ADAM17: variants seen among roughly 807,000 people sequenced by gnomAD.
ADAM17 encodes the protein ADAM metallopeptidase domain 17.
In ADAM17, 39 loss-of-function variants were observed where a neutral mutation model predicts 96.7. That is an observed-to-expected ratio of 0.40 (90% CI 0.31 to 0.53). ADAM17 has a LOEUF of 0.53. Among genes scored for constraint, ADAM17 ranks in the 20% least tolerant of loss-of-function variants. ADAM17 has a pLI of 0.44. For synonymous variants in ADAM17, 344 were observed against 359.2 expected, an observed-to-expected ratio of 0.96 and a Z score of 0.48; for missense variants, 777 against 1,013.2, an observed-to-expected ratio of 0.77 and a Z score of 3.17.
At chr2:9,553,574 C>G (rs985104530) in intron 1 of ADAM17, among the ~76,000 whole-genome samples, 2 of 150,592 alleles carry the variant, frequency 1.3e-5, no homozygotes, top group Non-Finnish European at 1.5e-5. Flanking sequence ...ACTTGGGAGG[C>G]TGAGGCAGGA....
rs1238447801 is a variant in ADAM17, at chr2:9,523,356, AG to A, written c.754-19del. On this transcript the variant is annotated intron_variant, in intron 6 of 18. Transcript: ENST00000310823. Reference sequence around the variant, plus strand: ...AGCTCTATCTGTGTGTATTTAAAAAAGAAAAAAGACATTATGTAACTCTTTA... The same window carrying A: ...AGCTCTATCTGTGTGTATTTAAAAAAAAAAAAGACATTATGTAACTCTTTA... 6.4e-7 allele frequency: 1 copy of A among 1,572,794 alleles called. No homozygotes were observed. Among genetic ancestry groups the A allele is most frequent in the Admixed American group, 1.7e-5 (1 of 59,360 alleles).
chr2:9,514,428 G>A (rs931741024), intron 10 of ADAM17, among the ~76,000 whole-genome samples: 2 of 147,842 alleles, frequency 1.4e-5, no homozygotes, highest in Non-Finnish European at 3.0e-5. Context: ...ACGAGTTAAT[G>A]GGTGCAGCAC....
chr2:9,528,675 T>TG (rs1304457183), intron 4 of ADAM17, among the ~76,000 whole-genome samples: 2 of 152,150 alleles, frequency 1.3e-5, no homozygotes, highest in Non-Finnish European at 2.9e-5. Context: ...AGGCAGTTTG[T>TG]GGGGGGACAC....
At chr2:9,553,532 G>T (rs1021151259) in intron 1 of ADAM17, among the ~76,000 whole-genome samples, 1 of 151,826 alleles carries the variant, frequency 6.6e-6, no homozygotes, top group Non-Finnish European at 1.5e-5. Context: ...AAAATTAGCC[G>T]GACGTGGTGG....
In ADAM17 at chr2:9,521,380, G is replaced by A. The variant is rs558861135; in HGVS notation, c.844-64C>T. 145 of 1,122,082 alleles carry A rather than the reference G, an allele frequency of 1.3e-4. 1 individual carries two copies. The East Asian group carries it at 3.6e-3, about 28-fold the overall frequency. 69.5% of individuals were successfully genotyped at this position (1,122,082 alleles called of 1,614,324 possible). A position where few individuals can be genotyped will look rare whatever the true frequency, so the allele number is the denominator to read the frequency against. On this transcript the variant is annotated intron_variant, in intron 7 of 18. Coordinates refer to ENST00000310823, the MANE Select transcript of ADAM17 (RefSeq NM_003183.6). Reference sequence around the variant, plus strand: ...AATAAGTCAGAAGGCTCTGAATACTGCATTATTTTATCTGTTCAAAAAAAG... The same window carrying A: ...AATAAGTCAGAAGGCTCTGAATACTACATTATTTTATCTGTTCAAAAAAAG...
In ADAM17 at chr2:9,488,651, C is replaced by G. The variant is rs996540742; in HGVS notation, c.*1526G>C. The G allele has an allele frequency of 4.9e-5, 9 of 185,162 alleles. No individual in the cohort carries two copies. The highest frequency in any genetic ancestry group is 8.9e-5 in the Non-Finnish European group (8 of 89,992). 11.5% of individuals were successfully genotyped at this position (185,162 alleles called of 1,614,324 possible). A position where few individuals can be genotyped will look rare whatever the true frequency, so the allele number is the denominator to read the frequency against. ...TCTTTTGAGAACTGTTTCACTCATA[C>G]ATACACCCACACACCCCACTCAACC... On this transcript the variant is annotated 3_prime_UTR_variant, in exon 19 of 19. Transcript: ENST00000310823.
intron 1 of ADAM17, among the ~76,000 whole-genome samples, chr2:9,554,787 C>G (rs544471649): frequency 6.6e-6 from 1 of 152,172 alleles, no homozygotes; most frequent in Non-Finnish European, 1.5e-5. Flanking sequence ...GAAATAGGAA[C>G]CCTCTACTTT....
At chr2:9,531,870 G>A (rs1413641707) in intron 4 of ADAM17, among the ~76,000 whole-genome samples, 3 of 152,214 alleles carry the variant, frequency 2.0e-5, no homozygotes, top group Non-Finnish European at 4.4e-5. Context: ...GGCCAAGCAA[G>A]AGGATTGCTT....
At chr2:9,525,765 C>T (rs535804096) in intron 6 of ADAM17, among the ~76,000 whole-genome samples, 3 of 152,236 alleles carry the variant, frequency 2.0e-5, no homozygotes, top group Admixed American at 6.5e-5. Flanking sequence ...CATGCAAATA[C>T]ATATTTTTAC....
At chr2:9,520,333 T>C (rs1439340683) in intron 8 of ADAM17, among the ~76,000 whole-genome samples, 2 of 152,208 alleles carry the variant, frequency 1.3e-5, no homozygotes, top group African/African-American at 4.8e-5. Flanking sequence ...TGGAATCACA[T>C]GGCAGCACCC....
At chr2:9,528,031 G>C in intron 4 of ADAM17, 77 bp from the exon 5 acceptor site, 9 of 1,021,588 alleles carry the variant, frequency 8.8e-6, no homozygotes, top group Non-Finnish European at 1.1e-5. Flanking sequence ...AACATTCTTT[G>C]CTTGTTCTTA....
intron 10 of ADAM17, among the ~76,000 whole-genome samples, chr2:9,516,066 G>A (rs941866560): frequency 6.6e-6 from 1 of 152,084 alleles, no homozygotes; most frequent in African/African-American, 2.4e-5. Context: ...CCTACAACCA[G>A]CTTCATTGTT....
At chr2:9,521,159 T>G (rs760678579) in intron 8 of ADAM17, 44 bp downstream of exon 8, 1 of 1,416,172 alleles carries the variant, frequency 7.1e-7, no homozygotes, top group Non-Finnish European at 1.0e-6. Context: ...ATATCAGAAA[T>G]GACAAAGTGG....
chr2:9,520,994 T>A (rs893919803), intron 8 of ADAM17, among the ~76,000 whole-genome samples: 1 of 145,308 alleles, frequency 6.9e-6, no homozygotes, highest in Non-Finnish European at 1.5e-5. Flanking sequence ...AAAGGAAGCA[T>A]TGCTTTATAG....
intron 14 of ADAM17, chr2:9,496,305 T>C (rs10204071): frequency 0.097 from 14,668 of 151,854 alleles, 835 homozygotes; most frequent in African/African-American, 0.16. Context: ...ATTTTTTTTA[T>C]TTTTAGTAGA....
intron 11 of ADAM17, among the ~76,000 whole-genome samples, chr2:9,505,772 G>A (rs1025811936): frequency 4.6e-5 from 7 of 152,158 alleles, no homozygotes; most frequent in Non-Finnish European, 1.0e-4. Context: ...ACCTCTGTAG[G>A]TTAATGTTGT....
chr2:9,546,587 T>C (rs1244804122), intron 1 of ADAM17, among the ~76,000 whole-genome samples: 3 of 152,202 alleles, frequency 2.0e-5, no homozygotes, highest in Non-Finnish European at 4.4e-5. Flanking sequence ...CAAGAGTTTA[T>C]CTCTTATCCA....
chr2:9,519,633 T>A (rs1664228776), intron 8 of ADAM17, among the ~76,000 whole-genome samples: 1 of 152,028 alleles, frequency 6.6e-6, no homozygotes, highest in Admixed American at 6.6e-5. Context: ...ACAGGGCCCT[T>A]AAGGAGGTAA....
Position 9,538,832 on chromosome 2 carries a change from ATCTT to A in ADAM17, c.231-2008_231-2005del, listed in dbSNP as rs374322532. On this transcript the variant is annotated intron_variant, in intron 2 of 18. Coordinates refer to ENST00000310823, the MANE Select transcript of ADAM17 (RefSeq NM_003183.6). ...TTCTTACAGATTTCTTTAACGTTTT[ATCTT>A]TCTGACTTTTGACTTAAGAATTTAC... 6.5e-3 allele frequency among the ~76,000 whole-genome samples: 991 copies of A among 152,302 alleles called. 7 individuals are homozygous for A. Among genetic ancestry groups the A allele is most frequent in the African/African-American group, 0.022 (911 of 41,566 alleles).
Sources: allele counts gnomAD v4.1 joint callset (sites outside exome capture counted in the v4.1 genomes callset), GRCh38; gene constraint gnomAD v4.1.1; transcripts MANE v1.5; gene names NCBI Gene and HGNC (gene_info 2026-07-23, HGNC 2026-07-21).